The following ADAMTSL1 variants were observed in gnomAD, a reference collection of about 807,000 sequenced individuals.
ADAMTSL1 encodes the protein ADAMTS-like protein 1.
A neutral mutation model predicts 201.8 loss-of-function variants in ADAMTSL1; 126 were observed. That is an observed-to-expected ratio of 0.62 (90% CI 0.54 to 0.72). The LOEUF (loss-of-function observed/expected upper bound fraction) is 0.72, where lower values mean the gene tolerates loss of function less well. Among genes scored for constraint, ADAMTSL1 ranks in the 30% least tolerant of loss-of-function variants. ADAMTSL1 has a pLI of 0.00. For synonymous variants in ADAMTSL1, 1,121 were observed against 903.4 expected (o/e 1.24, Z -4.32); for missense variants, 2,679 against 2,277.8 (o/e 1.18, Z -3.59).
At chr9:17,962,391 C>G (rs984063254) in intron 1 of ADAMTSL1, among the ~76,000 whole-genome samples, 3 of 152,144 alleles carry the variant, frequency 2.0e-5, no homozygotes, top group Non-Finnish European at 4.4e-5. Context: ...TGCACAGTAT[C>G]AAGCGTTATT....
intron 1 of ADAMTSL1, among the ~76,000 whole-genome samples, chr9:18,152,225 C>A (rs895273610): frequency 1.3e-5 from 2 of 152,014 alleles, no homozygotes; most frequent in African/African-American, 2.4e-5. Context: ...AAGAGCAGGA[C>A]CTCTGTGGAT....
At chr9:18,547,632 A>T (rs1213485535) in intron 3 of ADAMTSL1, among the ~76,000 whole-genome samples, 2 of 100,316 alleles carry the variant, frequency 2.0e-5, no homozygotes, top group Non-Finnish European at 4.1e-5. Flanking sequence ...GTATATATAT[A>T]TAAAAAAAAA....
chr9:18,131,830 C>T (rs1235542789), intron 1 of ADAMTSL1, among the ~76,000 whole-genome samples: 1 of 152,008 alleles, frequency 6.6e-6, no homozygotes, highest in Non-Finnish European at 1.5e-5. Flanking sequence ...ATTGTGTGGG[C>T]CACCTTGCTT....
intron 2 of ADAMTSL1, among the ~76,000 whole-genome samples, chr9:18,271,429 G>T (rs1019892482): frequency 6.6e-6 from 1 of 151,982 alleles, no homozygotes; most frequent in South Asian, 2.1e-4. Flanking sequence ...TGCAGTGTTT[G>T]GTTTTTTGTC....
intron 1 of ADAMTSL1, among the ~76,000 whole-genome samples, chr9:18,064,954 A>ATTTTTTTTTTTTTTT (rs563021690): frequency 2.9e-5 from 2 of 69,022 alleles, no homozygotes; most frequent in African/African-American, 1.1e-4. Context: ...TTTGCTAAAG[A>ATTTTTTTTTTTTTTT]TTTTTTTTTT....
chr9:18,795,040 T>C (rs931863040), intron 19 of ADAMTSL1, among the ~76,000 whole-genome samples: 1 of 152,196 alleles, frequency 6.6e-6, no homozygotes, highest in African/African-American at 2.4e-5. Flanking sequence ...TAATAAGCCT[T>C]CCCCAAATCT....
chr9:17,998,078 T>G (rs111640202), intron 1 of ADAMTSL1, among the ~76,000 whole-genome samples: 2,529 of 152,176 alleles, frequency 0.017, 32 homozygotes, highest in Non-Finnish European at 0.027. Context: ...TTGGACTACT[T>G]AGGCATCTCA....
chr9:17,966,466 C>G (rs530340682), intron 1 of ADAMTSL1, among the ~76,000 whole-genome samples: 1 of 152,172 alleles, frequency 6.6e-6, no homozygotes, highest in African/African-American at 2.4e-5. Context: ...CAGACCCTCC[C>G]TTCTGCAATA....
chr9:18,245,866 C>T (rs2132469189), intron 2 of ADAMTSL1, among the ~76,000 whole-genome samples: 1 of 152,018 alleles, frequency 6.6e-6, no homozygotes, highest in African/African-American at 2.4e-5. Flanking sequence ...TTTGGTTGTC[C>T]TTTGCAATCA....
At chr9:18,348,990 T>C (rs557258992) in intron 2 of ADAMTSL1, among the ~76,000 whole-genome samples, 1 of 152,340 alleles carries the variant, frequency 6.6e-6, no homozygotes, top group South Asian at 2.1e-4. Flanking sequence ...AGGCAAGTAC[T>C]ACTATTGTAC....
intron 1 of ADAMTSL1, among the ~76,000 whole-genome samples, chr9:17,999,103 C>A (rs183714682): frequency 2.2e-4 from 33 of 152,060 alleles, no homozygotes; most frequent in African/African-American, 7.7e-4. Flanking sequence ...ATAACATGAA[C>A]TGAATACCCA....
At chr9:17,912,778 T>A (rs1297608717) in intron 1 of ADAMTSL1, among the ~76,000 whole-genome samples, 1 of 72,826 alleles carries the variant, frequency 1.4e-5, no homozygotes, top group African/African-American at 2.9e-5. Flanking sequence ...ATGTCCTGAA[T>A]GGTAAAGCCT....
intron 2 of ADAMTSL1, among the ~76,000 whole-genome samples, chr9:18,308,873 A>G (rs920015725): frequency 5.9e-5 from 9 of 152,188 alleles, no homozygotes; most frequent in African/African-American, 1.9e-4. Context: ...CCTGGCAGAG[A>G]CATAGCAAAA....
intron 4 of ADAMTSL1, among the ~76,000 whole-genome samples, chr9:18,579,477 C>G (rs1822957836): frequency 6.6e-6 from 1 of 150,942 alleles, no homozygotes; most frequent in South Asian, 2.1e-4. Context: ...CACATGTACC[C>G]TAAAACTTAA....
chr9:18,560,444 A>T (rs901651228), intron 3 of ADAMTSL1, among the ~76,000 whole-genome samples: 1 of 152,188 alleles, frequency 6.6e-6, no homozygotes, highest in Non-Finnish European at 1.5e-5. Flanking sequence ...ATCAATGTTC[A>T]TCAGGGATAT....
intron 1 of ADAMTSL1, among the ~76,000 whole-genome samples, chr9:18,157,592 C>T (rs1827211562): frequency 6.6e-6 from 1 of 151,998 alleles, no homozygotes; most frequent in African/African-American, 2.4e-5. Flanking sequence ...CCCAGCTGAA[C>T]ATTCTGGACC....
At position 18,777,270 on chromosome 9, in the gene ADAMTSL1, C is replaced by G. The variant is rs117786774; in HGVS notation, c.3041C>G (p.Ala1014Gly). Residue 1014 changes from alanine (A) to glycine (G), a missense_variant, in exon 19 of 29, where the codon GCC becomes GGC. Ala to Gly is a moderately conservative substitution (Grantham distance 60). Transcript: ENST00000380548. The stretch of plus-strand genomic sequence containing the variant: ...AGCAAGGCGGAGAAGCGGGGCCTGG[C>G]CGCCAACCCGGGGAGCCGCTACGAC... ...NGSKAEKRGL[A>G]ANPGSRYDDL... is the part of the protein sequence containing the mutation. The G allele has an allele frequency of 6.2e-7, 1 of 1,609,072 alleles. No individual in the cohort carries two copies. Among genetic ancestry groups the G allele is most frequent in the Non-Finnish European group, 8.5e-7 (1 of 1,178,330 alleles).
chr9:18,192,582 A>T (rs1294841989), intron 2 of ADAMTSL1, among the ~76,000 whole-genome samples: 1 of 152,140 alleles, frequency 6.6e-6, no homozygotes, highest in East Asian at 1.9e-4. Flanking sequence ...AGTATTCTCC[A>T]GTGTTTTTCC....
intron 1 of ADAMTSL1, among the ~76,000 whole-genome samples, chr9:17,917,867 A>C (rs35834591): frequency 0.093 from 14,097 of 151,910 alleles, 746 homozygotes; most frequent in South Asian, 0.22. Context: ...TGGGGCTATT[A>C]GGGTTATCAA....
Sources: allele counts gnomAD v4.1 joint callset (sites outside exome capture counted in the v4.1 genomes callset), GRCh38; gene constraint gnomAD v4.1.1; transcripts MANE v1.5; gene names NCBI Gene and HGNC (gene_info 2026-07-23, HGNC 2026-07-21).